The following FAM184A variants were observed in gnomAD, a reference collection of about 807,000 sequenced individuals.
FAM184A encodes protein FAM184A.
Under a neutral mutation model 143.8 loss-of-function variants are expected in FAM184A, and 99 were observed. The ratio of observed to expected loss-of-function variants is 0.69; its 90% CI spans 0.58 to 0.81. FAM184A has a LOEUF of 0.81. FAM184A is among the 40% of genes least tolerant of loss of function. FAM184A has a pLI of 0.00. For synonymous variants in FAM184A, 427 were observed against 446.4 expected, an observed-to-expected ratio of 0.96 and a Z score of 0.55; for missense variants, 1,217 against 1,310.5, an observed-to-expected ratio of 0.93 and a Z score of 1.10.
At chr6:118,961,303 T>G (rs946035252) in intron 17 of FAM184A, among the ~76,000 whole-genome samples, 4 of 150,694 alleles carry the variant, frequency 2.7e-5, no homozygotes, top group African/African-American at 7.3e-5. Flanking sequence ...AGTTTACGTA[T>G]GTTTCTATTT....
intron 9 of FAM184A, among the ~76,000 whole-genome samples, chr6:118,980,581 A>G (rs1441071521): frequency 6.6e-6 from 1 of 152,214 alleles, no homozygotes; most frequent in East Asian, 1.9e-4. Context: ...TTGTTTATAG[A>G]CTGTCTAAAG....
rs1261930100 is a variant in FAM184A at position 119,020,294 on chromosome 6, TTTC to T, written c.1151-138_1151-136del. The T allele has an allele frequency of 5.5e-6, 3 of 541,086 alleles. No homozygotes were observed. The Admixed American group carries it at 1.3e-4, about 23-fold the overall frequency. The allele number at this position is 541,086 out of a possible 1,614,324, so 33.5% of individuals were successfully genotyped here. Reference sequence around the variant, plus strand: ...TCTACATGTACAAATTTTCCTTTTGTTTCTTCACTACATAAAATGGAAATATTT... The same window carrying T: ...TCTACATGTACAAATTTTCCTTTTGTTTCACTACATAAAATGGAAATATTT... On this transcript the variant is annotated intron_variant, in intron 3 of 17. Coordinates refer to ENST00000338891, the MANE Select transcript of FAM184A (RefSeq NM_024581.6).
At chr6:119,077,463 A>C (rs1787915183) in intron 1 of FAM184A, among the ~76,000 whole-genome samples, 1 of 152,238 alleles carries the variant, frequency 6.6e-6, no homozygotes, top group Non-Finnish European at 1.5e-5. Context: ...ACATTAAATT[A>C]GAAAAAAAGT....
At chr6:119,006,414 G>A (rs368457845) in intron 7 of FAM184A, 33 bp downstream of exon 7, 83 of 1,592,660 alleles carry the variant, frequency 5.2e-5, no homozygotes, top group Middle Eastern at 1.7e-4. Context: ...TTATTTTGCC[G>A]CTGTTTAGAT....
intron 6 of FAM184A, 99 bp from the exon 7 acceptor site, chr6:119,006,707 T>C: frequency 2.1e-6 from 2 of 931,840 alleles, no homozygotes; most frequent in Admixed American, 5.5e-5. Context: ...GTTGTAATTT[T>C]ACTGAATGGA....
intron 1 of FAM184A, among the ~76,000 whole-genome samples, chr6:119,050,377 C>T (rs1199541649): frequency 1.3e-5 from 2 of 151,726 alleles, no homozygotes; most frequent in African/African-American, 4.9e-5. Flanking sequence ...CACATGCAGA[C>T]GAATGTTCAC....
At chr6:119,037,354 C>G (rs78945138) in intron 1 of FAM184A, among the ~76,000 whole-genome samples, 3,127 of 152,212 alleles carry the variant, frequency 0.021, 43 homozygotes, top group Non-Finnish European at 0.03. Context: ...TTTTAAGAGA[C>G]AGGGCTTCAC....
intron 1 of FAM184A, among the ~76,000 whole-genome samples, chr6:119,056,891 T>A (rs1786998523): frequency 6.6e-6 from 1 of 152,182 alleles, no homozygotes; most frequent in African/African-American, 2.4e-5. Flanking sequence ...ACTACTCATG[T>A]CACCATCTGC....
At chr6:119,079,410 G>T (rs1449595071), upstream of FAM184A, among the ~76,000 whole-genome samples, 1 of 152,118 alleles carries the variant, frequency 6.6e-6, no homozygotes, top group Non-Finnish European at 1.5e-5. Flanking sequence ...AACAGAAGAT[G>T]GAACAAGACA....
intron 9 of FAM184A, among the ~76,000 whole-genome samples, chr6:118,983,820 A>C (rs1784091097): frequency 6.6e-6 from 1 of 152,110 alleles, no homozygotes; most frequent in South Asian, 2.1e-4. Context: ...AAAATGGAAT[A>C]TTAAAGTTTT....
At position 119,103,928 on chromosome 6, in the gene FAM184A, GAAAAAAA is replaced by G. The variant is rs199961401; in HGVS notation, c.-202+45143_-202+45149del. On this transcript the variant is annotated intron_variant, in intron 1 of 16. Coordinates refer to the FAM184A transcript ENST00000352896. Reference sequence around the variant, plus strand: ...GTGTCAGAGTGAGACTCCGTGTAGAGAAAAAAAAAAAAAAAAAAAAAGAGGAATGTTC... The same window carrying G: ...GTGTCAGAGTGAGACTCCGTGTAGAGAAAAAAAAAAAAAAGAGGAATGTTC... 4.2e-3 allele frequency among the ~76,000 whole-genome samples: 303 copies of G among 72,948 alleles called. 2 individuals carry two copies. The highest frequency in any genetic ancestry group is 0.019 in the South Asian group (44 of 2,320). The allele number at this position is 72,948 out of a possible 152,430, so 47.9% of individuals were successfully genotyped here.
rs141308759 is a variant in FAM184A, at chr6:119,020,087, G to C, written c.1223C>G (p.Ser408Trp). The C allele has an allele frequency of 1.2e-5, 20 of 1,608,650 alleles. No homozygotes were observed. The South Asian group carries it at 2.1e-4, about 17-fold the overall frequency. The stretch of plus-strand genomic sequence containing the variant: ...TTGAGATAATCTCTCATTGACTCTC[G>C]ATTTTTCTGATTCTAAATCTTTAAT... ...VTIKDLESEKSRVNERLSQLE... is the reference protein window; with the variant it reads ...VTIKDLESEKWRVNERLSQLE... Residue 408 changes from serine (S) to tryptophan (W), a missense_variant, in exon 4 of 18, where the codon TCG (serine) becomes TGG (tryptophan). Ser to Trp is a radical substitution (Grantham distance 177, BLOSUM62 -3). Coordinates refer to ENST00000338891, the MANE Select transcript of FAM184A (RefSeq NM_024581.6).
upstream of FAM184A, among the ~76,000 whole-genome samples, chr6:119,083,052 C>T (rs1453159519): frequency 6.6e-6 from 1 of 152,228 alleles, no homozygotes; most frequent in Non-Finnish European, 1.5e-5. Context: ...TTCTGTGCAC[C>T]TGCAGGCCCA....
At chr6:119,081,192 AAG>A (rs1788052096), upstream of FAM184A, among the ~76,000 whole-genome samples, 3 of 152,162 alleles carry the variant, frequency 2.0e-5, no homozygotes, top group African/African-American at 4.8e-5. Flanking sequence ...TCAGGTGAGA[AAG>A]AGAGAAAGAG....
intron 1 of FAM184A, among the ~76,000 whole-genome samples, chr6:119,109,428 T>C (rs1788872407): frequency 6.6e-6 from 1 of 152,200 alleles, no homozygotes; most frequent in Non-Finnish European, 1.5e-5. Flanking sequence ...TCTAGAATAT[T>C]TTCTCCAAGT....
In FAM184A at chr6:118,971,926, C is replaced by T. The variant is rs1045473776; in HGVS notation, c.2915+2502G>A. Among the ~76,000 whole-genome samples, 3 of 152,196 alleles carry T rather than the reference C, an allele frequency of 2.0e-5. No homozygotes were observed. The East Asian group carries it at 5.8e-4, about 29-fold the overall frequency. ...GCAGGCTGTGGCCTGTCAGGCTGCA[C>T]CATGTCCCTTCAGCCCCCAGCACCA... On this transcript the variant is annotated intron_variant, in intron 14 of 17. Transcript: ENST00000338891.
intron 1 of FAM184A, among the ~76,000 whole-genome samples, chr6:119,053,424 C>T (rs1171254469): frequency 6.6e-6 from 1 of 152,180 alleles, no homozygotes; most frequent in African/African-American, 2.4e-5. Context: ...GTGTTTATAG[C>T]TCTGTTCTTA....
chr6:118,996,841 A>G (rs535876942), intron 9 of FAM184A, among the ~76,000 whole-genome samples: 1 of 150,350 alleles, frequency 6.7e-6, no homozygotes, highest in South Asian at 2.1e-4. Context: ...CAGCCTCCCA[A>G]GCAGCTGGAA....
intron 14 of FAM184A, among the ~76,000 whole-genome samples, chr6:118,970,008 A>ATATATATATATATATATATTTTTT: frequency 6.8e-4 from 13 of 19,020 alleles, no homozygotes; most frequent in South Asian, 1.7e-3. Context: ...ATATATATAT[A>ATATATATATATATATATATTTTTT]TTTTTTTTTT....
Sources: allele counts gnomAD v4.1 joint callset (sites outside exome capture counted in the v4.1 genomes callset), GRCh38; gene constraint gnomAD v4.1.1; transcripts MANE v1.5; gene names NCBI Gene and HGNC (gene_info 2026-07-23, HGNC 2026-07-21).